Variants in RBM6 observed in about 807,000 individuals in gnomAD.
RBM6 encodes the protein RNA-binding protein 6.
Under a neutral mutation model 140.4 loss-of-function variants are expected in RBM6, and 23 were observed. That is an observed-to-expected ratio of 0.16 (90% CI 0.12 to 0.23). The LOEUF is 0.23. Ranked by LOEUF, RBM6 falls within the 10% of genes least tolerant of loss-of-function variation. The probability of loss-of-function intolerance (pLI) is 1.00; values close to 1 mark genes in which losing one functional copy is unlikely to be tolerated. For missense variants in RBM6, 1,139 were observed against 1,386.7 expected, an observed-to-expected ratio of 0.82 and a Z score of 2.84; for synonymous variants, 439 against 475.6, an observed-to-expected ratio of 0.92 and a Z score of 1.00.
chr3:50,024,266 C>G (rs1181166702), intron 6 of RBM6, among the ~76,000 whole-genome samples: 1 of 152,142 alleles, frequency 6.6e-6, no homozygotes, highest in Non-Finnish European at 1.5e-5. Context: ...TATTTCCCCT[C>G]CCTTTTATTG....
intron 6 of RBM6, among the ~76,000 whole-genome samples, chr3:50,040,271 C>G (rs1412838295): frequency 6.6e-6 from 1 of 151,332 alleles, no homozygotes; most frequent in Non-Finnish European, 1.5e-5. Context: ...ACGGTGAAAC[C>G]CCATCTCTAC....
At chr3:49,993,920 C>A (rs890359225) in intron 5 of RBM6, among the ~76,000 whole-genome samples, 1 of 151,972 alleles carries the variant, frequency 6.6e-6, no homozygotes, top group Non-Finnish European at 1.5e-5. Flanking sequence ...CTAGCCTGGG[C>A]GACAAAGGTG....
chr3:49,981,611 C>G (rs1325130542), intron 5 of RBM6: 2 of 152,166 alleles, frequency 1.3e-5, no homozygotes, highest in Admixed American at 1.3e-4. Flanking sequence ...CATGCCTTGC[C>G]TACCTAATAT....
chr3:50,016,783 A>G (rs901378710), intron 6 of RBM6, among the ~76,000 whole-genome samples: 1 of 138,754 alleles, frequency 7.2e-6, no homozygotes, highest in African/African-American at 2.8e-5. Flanking sequence ...CAGTCCTCCC[A>G]CCTCAGCCTC....
rs1475667756 is a variant in RBM6, at chr3:50,075,183, T to TG, written c.3117-17dup. ...AAAAAAAAAAAAAAGGAAGTGATGG[T>TG]GTCTGCTTCTTTTGCAGTGATCGTA... On this transcript the variant is annotated splice_polypyrimidine_tract_variant and intron_variant, in intron 19 of 20. Transcript: ENST00000266022. The TG allele has an allele frequency of 6.3e-7, 1 of 1,589,456 alleles. No individual in the cohort carries two copies. The highest frequency in any genetic ancestry group is 2.2e-5 in the East Asian group (1 of 44,632).
Position 50,048,232 on chromosome 3 carries a change from T to C in RBM6, c.1558-13T>C. The C allele has an allele frequency of 6.2e-7, 1 of 1,611,942 alleles. No homozygotes were observed. The highest frequency in any genetic ancestry group is 8.5e-7 in the Non-Finnish European group (1 of 1,179,078). Reference sequence around the variant, plus strand: ...AGGGTTGATGTTGATGGCTTCTGTCTTTGTCTTTACAGGGAACTCTAATGA... The same window carrying C: ...AGGGTTGATGTTGATGGCTTCTGTCCTTGTCTTTACAGGGAACTCTAATGA... On this transcript the variant is annotated splice_polypyrimidine_tract_variant and intron_variant, in intron 6 of 20. Coordinates refer to ENST00000266022, the MANE Select transcript of RBM6 (RefSeq NM_005777.3).
intron 6 of RBM6, among the ~76,000 whole-genome samples, chr3:50,018,718 A>G (rs920454036): frequency 2.0e-5 from 3 of 147,050 alleles, no homozygotes; most frequent in Non-Finnish European, 4.5e-5. Flanking sequence ...CAGCCTCCCA[A>G]GTAGCTGGGA....
chr3:50,061,355 A>G, intron 13 of RBM6, 107 bp from the exon 14 acceptor site: 1 of 1,582,616 alleles, frequency 6.3e-7, no homozygotes, highest in South Asian at 1.2e-5. Flanking sequence ...GCATCTGTAG[A>G]TGCACCTATT....
At chr3:49,973,794 C>G (rs2084915511) in intron 4 of RBM6, among the ~76,000 whole-genome samples, 1 of 151,982 alleles carries the variant, frequency 6.6e-6, no homozygotes, top group African/African-American at 2.4e-5. Context: ...CCATCTTGGT[C>G]AGGCTGATCT....
At chr3:49,963,125 GAAAAA>G (rs911374200) in intron 2 of RBM6, 1 of 145,342 alleles carries the variant, frequency 6.9e-6, no homozygotes, top group Admixed American at 6.9e-5. Flanking sequence ...AAAAAAAAAA[GAAAAA>G]AAAAGAAAAA....
In RBM6 at chr3:50,061,152, T is replaced by C. The variant is rs754872035; in HGVS notation, c.2284T>C (p.Phe762Leu). ...HMHYYQGKKYFRDRRGGGRNS... is the reference protein window; with the variant it reads ...HMHYYQGKKYLRDRRGGGRNS... Reference sequence around the variant, plus strand: ...CTTTCTGTGATAGGGTAAAAAATATTTCCGAGATAGGAGGGGAGGTGGCAG... The same window carrying C: ...CTTTCTGTGATAGGGTAAAAAATATCTCCGAGATAGGAGGGGAGGTGGCAG... Residue 762 changes from phenylalanine to leucine, a missense_variant, in exon 13 of 21, where the codon TTC becomes CTC. Physicochemically the swap from Phe to Leu is conservative, Grantham distance 22 (BLOSUM62 0). This residue lies in a region of RBM6 where 163 missense variants were observed against 182.8 expected (regional missense o/e 0.89). Transcript: ENST00000266022. The C allele has an allele frequency of 6.2e-7, 1 of 1,614,176 alleles. No homozygotes were observed. The highest frequency in any genetic ancestry group is 1.7e-5 in the Admixed American group (1 of 60,010).
intron 1 of RBM6, chr3:49,941,225 C>T (rs1472321351): frequency 6.6e-6 from 1 of 152,110 alleles, no homozygotes; most frequent in African/African-American, 2.4e-5. Flanking sequence ...AAGAAAGTAA[C>T]TAAATAATAT....
intron 17 of RBM6, 114 bp downstream of exon 17, chr3:50,066,616 T>G (rs878882239): frequency 7.5e-7 from 1 of 1,324,906 alleles, no homozygotes; most frequent in Non-Finnish European, 1.0e-6. Flanking sequence ...TTGCCTGGGC[T>G]CAGAAGTACA....
chr3:50,067,320 C>T (rs1297471007), intron 17 of RBM6, among the ~76,000 whole-genome samples: 2 of 152,032 alleles, frequency 1.3e-5, no homozygotes, highest in Non-Finnish European at 2.9e-5. Flanking sequence ...TTATGCCTAC[C>T]CTCAAAGAAC....
rs187400926 is a variant in RBM6, at chr3:49,978,850, A to G, written c.1483+3458A>G. On this transcript the variant is annotated intron_variant, in intron 5 of 20. Transcript: ENST00000266022. ...TATGTTGTGTATATTTGAATTTTTCATTTGCCATTTACAAATACATTATAA... is the reference window on the plus strand; with the variant it reads ...TATGTTGTGTATATTTGAATTTTTCGTTTGCCATTTACAAATACATTATAA... Among the ~76,000 whole-genome samples, 1,037 of 152,268 alleles carry G rather than the reference A, an allele frequency of 6.8e-3. 15 individuals are homozygous for G. Among genetic ancestry groups the G allele is most frequent in the African/African-American group, 0.024 (987 of 41,554 alleles).
At position 50,058,559 on chromosome 3, in the gene RBM6, T is replaced by C. The variant is rs2089807924; in HGVS notation, c.2127T>C (p.His709=). Reference sequence around the variant, plus strand: ...ATGGCTTTATTGACCTCGACTCCCATGCGGTGAGTTTCCTCCACCTTGGAT... The same window carrying C: ...ATGGCTTTATTGACCTCGACTCCCACGCGGTGAGTTTCCTCCACCTTGGAT... The part of the protein sequence containing the change: ...HTYGFIDLDS[H]AEALRVVKIL... The change falls in exon 10 of 21, where the codon CAT becomes CAC. Residue 709 remains histidine (H), a synonymous_variant. Coordinates refer to ENST00000266022, the MANE Select transcript of RBM6 (RefSeq NM_005777.3). The C allele has an allele frequency of 3.1e-6, 5 of 1,604,188 alleles. No individual in the cohort carries two copies. The highest frequency in any genetic ancestry group is 4.3e-6 in the Non-Finnish European group (5 of 1,171,302).
Position 50,015,311 on chromosome 3 carries a change from T to C in RBM6, c.1557+15798T>C, listed in dbSNP as rs1307606389. Among the ~76,000 whole-genome samples, 12 of 150,712 alleles carry C rather than the reference T, an allele frequency of 8.0e-5. No individual in the cohort carries two copies. In the East Asian group the frequency reaches 2.4e-3, roughly 30 times the overall value. ...TTAGCAGAGGCGGGGTTTCACCATA[T>C]TGGCCAGGCTGGTCTCAAACTCCTG... On this transcript the variant is annotated intron_variant, in intron 6 of 20. Transcript: ENST00000266022.
intron 1 of RBM6, among the ~76,000 whole-genome samples, chr3:49,947,113 G>T (rs1380584866): frequency 1.1e-4 from 16 of 149,922 alleles, no homozygotes; most frequent in Non-Finnish European, 1.9e-4. Context: ...TTAGCCGGGC[G>T]CAGTGGCAGG....
intron 6 of RBM6, among the ~76,000 whole-genome samples, chr3:50,028,575 A>AG (rs1394626228): frequency 6.6e-6 from 1 of 152,192 alleles, no homozygotes; most frequent in East Asian, 1.9e-4. Context: ...TGGGTAGTTC[A>AG]GGGTAATCTT....
Sources: allele counts gnomAD v4.1 joint callset (sites outside exome capture counted in the v4.1 genomes callset), GRCh38; gene constraint gnomAD v4.1.1; regional missense constraint gnomAD v4.1.1; transcripts MANE v1.5; gene names NCBI Gene and HGNC (gene_info 2026-07-23, HGNC 2026-07-21).